The following ANXA4 variants were observed in gnomAD, a reference collection of about 807,000 sequenced individuals.
ANXA4 encodes the protein annexin A4.
A neutral mutation model predicts 49.8 loss-of-function variants in ANXA4; 39 were observed. The observed-to-expected ratio is 0.78, with a 90% CI of 0.61 to 1.02. The LOEUF is 1.02. Among genes scored for constraint, ANXA4 ranks in the 50% least tolerant of loss-of-function variants. The probability of loss-of-function intolerance (pLI) is 0.00; values close to 1 mark genes in which losing one functional copy is unlikely to be tolerated. For missense variants in ANXA4, 360 were observed against 410.1 expected (o/e 0.88, Z 1.05); for synonymous variants, 134 against 152.5 (o/e 0.88, Z 0.89).
intron 2 of ANXA4, among the ~76,000 whole-genome samples, chr2:69,719,174 C>G (rs2105423598): frequency 6.6e-6 from 1 of 150,722 alleles, no homozygotes; most frequent in East Asian, 2.0e-4. Flanking sequence ...GACAAGGTTT[C>G]ACTATGTTGG....
intron 2 of ANXA4, 34 bp downstream of exon 2, chr2:69,781,608 C>T: frequency 6.2e-7 from 1 of 1,613,170 alleles, no homozygotes; most frequent in Non-Finnish European, 8.5e-7. Flanking sequence ...CTATCTGGTG[C>T]CAGCTGCCAA....
At chr2:69,819,591 C>T (rs1032910952) in intron 11 of ANXA4, among the ~76,000 whole-genome samples, 1 of 152,104 alleles carries the variant, frequency 6.6e-6, no homozygotes, top group Non-Finnish European at 1.5e-5. Flanking sequence ...TTACTAACCT[C>T]CAATTTACAG....
chr2:69,730,242 C>T (rs1670061494), intron 3 of ANXA4, among the ~76,000 whole-genome samples: 1 of 152,064 alleles, frequency 6.6e-6, no homozygotes, highest in Non-Finnish European at 1.5e-5. Context: ...TGGCTCATAC[C>T]TGTAATCCCA....
intron 4 of ANXA4, among the ~76,000 whole-genome samples, chr2:69,805,268 C>A (rs930039553): frequency 2.6e-5 from 4 of 151,828 alleles, no homozygotes; most frequent in Non-Finnish European, 4.4e-5. Flanking sequence ...CAACTAAATG[C>A]CTTATGTATA....
At chr2:69,774,121 C>A (rs1392091932) in intron 1 of ANXA4, among the ~76,000 whole-genome samples, 1 of 152,098 alleles carries the variant, frequency 6.6e-6, no homozygotes, top group Non-Finnish European at 1.5e-5. Context: ...TCTCACCCTG[C>A]CCTATGTGTT....
At chr2:69,771,695 G>T (rs1671725116) in intron 1 of ANXA4, among the ~76,000 whole-genome samples, 1 of 152,190 alleles carries the variant, frequency 6.6e-6, no homozygotes, top group African/African-American at 2.4e-5. Flanking sequence ...TCAGCACCTG[G>T]CTTGCCCATT....
intron 2 of ANXA4, among the ~76,000 whole-genome samples, chr2:69,675,813 G>T (rs1677388556): frequency 6.6e-6 from 1 of 151,972 alleles, no homozygotes; most frequent in Non-Finnish European, 1.5e-5. Context: ...CACGAGGTCA[G>T]GAGATCAAGA....
chr2:69,809,733 C>T (rs1226203077), intron 6 of ANXA4: 1 of 152,334 alleles, frequency 6.6e-6, no homozygotes, highest in African/African-American at 2.4e-5. Context: ...CCTCCTCAGC[C>T]TCCCAAAGTG....
At chr2:69,780,148 C>T (rs1672136112) in intron 1 of ANXA4, among the ~76,000 whole-genome samples, 2 of 152,128 alleles carry the variant, frequency 1.3e-5, no homozygotes, top group African/African-American at 4.8e-5. Context: ...TGTAAAAATG[C>T]AGATTCTGGG....
intron 1 of ANXA4, among the ~76,000 whole-genome samples, chr2:69,745,148 C>G (rs1227563813): frequency 6.6e-6 from 1 of 152,094 alleles, no homozygotes; most frequent in African/African-American, 2.4e-5. Flanking sequence ...GGGGTGCATG[C>G]TAGCCAGCAG....
intron 2 of ANXA4, among the ~76,000 whole-genome samples, chr2:69,693,390 G>A (rs1269556369): frequency 6.6e-6 from 1 of 152,144 alleles, no homozygotes; most frequent in Non-Finnish European, 1.5e-5. Flanking sequence ...TCACTGTCTA[G>A]GGTCTAAGAG....
chr2:69,648,050 T>C (rs1458424589), intron 1 of ANXA4, among the ~76,000 whole-genome samples: 1 of 152,220 alleles, frequency 6.6e-6, no homozygotes, highest in Non-Finnish European at 1.5e-5. Flanking sequence ...CTAAATCATG[T>C]TACCATAAAC....
intron 3 of ANXA4, among the ~76,000 whole-genome samples, chr2:69,728,589 G>A (rs2105442102): frequency 6.6e-6 from 1 of 152,212 alleles, no homozygotes; most frequent in East Asian, 1.9e-4. Context: ...TTTTTCACAT[G>A]ATATCCAACT....
At chr2:69,692,044 C>G (rs765139387) in intron 2 of ANXA4, among the ~76,000 whole-genome samples, 1 of 152,176 alleles carries the variant, frequency 6.6e-6, no homozygotes, top group Non-Finnish European at 1.5e-5. Flanking sequence ...TGCCATCATA[C>G]CTGGCTAATT....
chr2:69,731,353 G>T (rs1413006061), intron 3 of ANXA4, among the ~76,000 whole-genome samples: 1 of 152,134 alleles, frequency 6.6e-6, no homozygotes, highest in Non-Finnish European at 1.5e-5. Flanking sequence ...ACTTAGCAGT[G>T]GCCACAAACT....
intron 2 of ANXA4, among the ~76,000 whole-genome samples, chr2:69,662,967 A>T (rs1676777299): frequency 2.0e-5 from 3 of 149,852 alleles, no homozygotes; most frequent in Admixed American, 2.0e-4. Flanking sequence ...TTCAAATTTA[A>T]CCAGATGTCC....
At chr2:69,804,870 AC>A (rs1451788723) in intron 4 of ANXA4, among the ~76,000 whole-genome samples, 4 of 151,822 alleles carry the variant, frequency 2.6e-5, no homozygotes, top group Non-Finnish European at 5.9e-5. Context: ...ACATGGTGAA[AC>A]CCCATCTCTC....
At chr2:69,816,330 C>T in intron 9 of ANXA4, 136 bp downstream of exon 9, 1 of 662,162 alleles carries the variant, frequency 1.5e-6, no homozygotes, top group Non-Finnish European at 2.6e-6. Context: ...AGATTCTCAC[C>T]CTGGAAATGT....
intron 2 of ANXA4, among the ~76,000 whole-genome samples, chr2:69,697,277 A>T (rs1203854370): frequency 6.6e-6 from 1 of 152,162 alleles, no homozygotes; most frequent in Admixed American, 6.5e-5. Context: ...CTTGCCTTAA[A>T]TCTCATGAAG....
Sources: gnomAD v4.1 joint callset for allele counts (sites outside exome capture counted in the v4.1 genomes callset) on GRCh38, gnomAD v4.1.1 for gene constraint, MANE v1.5 for transcripts, NCBI Gene and HGNC (gene_info 2026-07-23, HGNC 2026-07-21) for gene names.